The following ARB2A variants were observed in gnomAD, a reference collection of about 807,000 sequenced individuals.
ARB2A encodes the protein ARB2 cotranscriptional regulator A.
At chr5:93,770,390 C>T in the ARB2A span, among the ~76,000 whole-genome samples, 9 of 152,156 alleles carry the variant, frequency 5.9e-5, no homozygotes, top group Non-Finnish European at 1.0e-4. Flanking sequence ...CCTTTGAAAA[C>T]TGGCACAAGA....
At chr5:93,907,213 A>T in the ARB2A span, among the ~76,000 whole-genome samples, 2 of 151,492 alleles carry the variant, frequency 1.3e-5, no homozygotes, top group East Asian at 3.9e-4. Context: ...AATAATCCTA[A>T]TAAGAGATAC....
At chr5:93,848,409 G>T in the ARB2A span, among the ~76,000 whole-genome samples, 2 of 150,160 alleles carry the variant, frequency 1.3e-5, no homozygotes, top group Admixed American at 1.3e-4. Context: ...AAAAGAAAAA[G>T]AGATATTGAC....
chr5:93,657,524 C>G, the ARB2A span, among the ~76,000 whole-genome samples: 1 of 152,172 alleles, frequency 6.6e-6, no homozygotes, highest in Non-Finnish European at 1.5e-5. Context: ...AAGTACAATG[C>G]TGTCCTGAAG....
the ARB2A span, among the ~76,000 whole-genome samples, chr5:93,906,983 T>G: frequency 6.6e-6 from 1 of 151,510 alleles, no homozygotes. Flanking sequence ...AGATTTTAGG[T>G]GCTTACTCTC....
At chr5:93,765,329 T>C in the ARB2A span, among the ~76,000 whole-genome samples, 3 of 152,228 alleles carry the variant, frequency 2.0e-5, no homozygotes, top group African/African-American at 7.2e-5. Flanking sequence ...CTTAAGCTGA[T>C]AGGCAACTTC....
At chr5:94,073,172 T>C in the ARB2A span, among the ~76,000 whole-genome samples, 78 of 152,114 alleles carry the variant, frequency 5.1e-4, 1 homozygote, top group Non-Finnish European at 2.6e-4. Context: ...AATAAAACTG[T>C]CTTCCTGTTA....
chr5:94,029,375 A>G, the ARB2A span, among the ~76,000 whole-genome samples: 3 of 152,150 alleles, frequency 2.0e-5, no homozygotes. Flanking sequence ...AACATTTTTA[A>G]TGACATTTAT....
At chr5:93,719,883 T>G in the ARB2A span, among the ~76,000 whole-genome samples, 2 of 152,244 alleles carry the variant, frequency 1.3e-5, no homozygotes, top group Non-Finnish European at 2.9e-5. Context: ...CGAAAATTTG[T>G]TGAGCTTCTT....
the ARB2A span, among the ~76,000 whole-genome samples, chr5:93,918,546 C>G: frequency 4.0e-5 from 6 of 151,078 alleles, no homozygotes; most frequent in East Asian, 1.2e-3. Context: ...CTCAGCCTCC[C>G]GAGTAGCTGG....
chr5:93,625,267 G>C, the ARB2A span, among the ~76,000 whole-genome samples: 1 of 152,030 alleles, frequency 6.6e-6, no homozygotes, highest in African/African-American at 2.4e-5. Context: ...TAACAATCTC[G>C]TAAGTAGGTA....
the ARB2A span, among the ~76,000 whole-genome samples, chr5:94,057,242 C>T: frequency 9.4e-3 from 1,424 of 152,178 alleles, 11 homozygotes; most frequent in Non-Finnish European, 0.014. Flanking sequence ...AACTGATGTA[C>T]CTTGAAGATA....
At chr5:94,042,980 G>A in the ARB2A span, among the ~76,000 whole-genome samples, 1 of 151,940 alleles carries the variant, frequency 6.6e-6, no homozygotes, top group Non-Finnish European at 1.5e-5. Flanking sequence ...AAATTTCTTT[G>A]TCAATCGTGT....
chr5:93,765,433 C>T, the ARB2A span, among the ~76,000 whole-genome samples: 1 of 152,142 alleles, frequency 6.6e-6, no homozygotes, highest in Non-Finnish European at 1.5e-5. Flanking sequence ...CATGAGTGAA[C>T]TCCCATTCAC....
At chr5:93,937,150 G>A in the ARB2A span, among the ~76,000 whole-genome samples, 1 of 151,720 alleles carries the variant, frequency 6.6e-6, no homozygotes, top group Non-Finnish European at 1.5e-5. Flanking sequence ...TGGGATTACA[G>A]GCGTGAGCCA....
the ARB2A span, among the ~76,000 whole-genome samples, chr5:93,693,535 C>G: frequency 6.6e-6 from 1 of 150,576 alleles, no homozygotes; most frequent in African/African-American, 2.5e-5. Flanking sequence ...AGATAAATAA[C>G]AAGTTCTGAA....
At chr5:93,701,014 T>A in the ARB2A span, among the ~76,000 whole-genome samples, 1 of 152,096 alleles carries the variant, frequency 6.6e-6, no homozygotes, top group African/African-American at 2.4e-5. Context: ...ACAAGAGCAA[T>A]GTAATATGCA....
chr5:94,012,559 T>C, the ARB2A span, among the ~76,000 whole-genome samples: 1 of 152,160 alleles, frequency 6.6e-6, no homozygotes, highest in Non-Finnish European at 1.5e-5. Flanking sequence ...CAGAGCTGAG[T>C]TGTCCGCACT....
chr5:94,091,331 T>C, the ARB2A span, among the ~76,000 whole-genome samples: 1,645 of 152,306 alleles, frequency 0.011, 13 homozygotes, highest in Non-Finnish European at 0.015. Flanking sequence ...TCACTCACTG[T>C]TTCAAAATAA....
the ARB2A span, among the ~76,000 whole-genome samples, chr5:93,644,047 G>A: frequency 1.3e-5 from 2 of 152,168 alleles, no homozygotes; most frequent in African/African-American, 2.4e-5. Context: ...GAAGGCCATA[G>A]TGCTTAGTAA....
Sources: gnomAD v4.1 joint callset for allele counts (sites outside exome capture counted in the v4.1 genomes callset) on GRCh38, gnomAD v4.1.1 for gene constraint, MANE v1.5 for transcripts, NCBI Gene and HGNC (gene_info 2026-07-23, HGNC 2026-07-21) for gene names.